The following ADGRL4 variants were observed in gnomAD, a reference collection of about 807,000 sequenced individuals.
ADGRL4 encodes the protein adhesion G protein-coupled receptor L4.
In ADGRL4, 90 loss-of-function variants were observed where a neutral mutation model predicts 74.8. That is an observed-to-expected ratio of 1.20 (90% CI 1.02 to 1.43). ADGRL4 has a LOEUF of 1.43. ADGRL4 is among the 40% of genes most tolerant of loss of function. ADGRL4 has a pLI of 0.00. For synonymous variants in ADGRL4, 311 were observed against 279.2 expected (o/e 1.11, Z -1.14); for missense variants, 881 against 814.3 (o/e 1.08, Z -1.00).
rs530698298 is a variant in ADGRL4 at position 78,946,490 on chromosome 1, A to T, written c.173-64T>A. On this transcript the variant is annotated intron_variant, in intron 2 of 14. Coordinates refer to ENST00000370742, the MANE Select transcript of ADGRL4 (RefSeq NM_022159.4). ...TTGACATAAATTTTGACTATTTTCC[A>T]TCAGTATTTTGGAATATTGACTGTT... 9 of 1,406,846 alleles carry T rather than the reference A, an allele frequency of 6.4e-6. No individual in the cohort carries two copies. In the Admixed American group the frequency reaches 1.3e-4, roughly 20 times the overall value. 87.1% of individuals were successfully genotyped at this position (1,406,846 alleles called of 1,614,324 possible).
chr1:78,935,108 T>C (rs1649326198), intron 7 of ADGRL4, among the ~76,000 whole-genome samples: 1 of 152,210 alleles, frequency 6.6e-6, no homozygotes, highest in African/African-American at 2.4e-5. Context: ...TGGGCACGTA[T>C]GTTTATTGCA....
intron 2 of ADGRL4, among the ~76,000 whole-genome samples, chr1:78,950,697 T>A (rs1649704972): frequency 6.6e-6 from 1 of 152,194 alleles, no homozygotes; most frequent in Admixed American, 6.5e-5. Context: ...TTTGCTTTTC[T>A]GTATTTTAAA....
At chr1:78,902,071 G>A (rs1275022007) in intron 12 of ADGRL4, among the ~76,000 whole-genome samples, 3 of 152,156 alleles carry the variant, frequency 2.0e-5, no homozygotes, top group African/African-American at 7.2e-5. Flanking sequence ...CTCTGGGATA[G>A]TAACAGTATC....
intron 7 of ADGRL4, among the ~76,000 whole-genome samples, chr1:78,928,939 C>A (rs1557501115): frequency 6.6e-6 from 1 of 151,470 alleles, no homozygotes. Flanking sequence ...ATACACTATG[C>A]AATGAACTCC....
chr1:78,921,034 T>A (rs930949171), intron 9 of ADGRL4, among the ~76,000 whole-genome samples: 8 of 147,002 alleles, frequency 5.4e-5, no homozygotes, highest in Non-Finnish European at 1.1e-4. Context: ...TATATTAAAA[T>A]GGAGATGATA....
intron 2 of ADGRL4, among the ~76,000 whole-genome samples, chr1:78,993,311 T>C (rs1650646175): frequency 1.3e-5 from 2 of 152,108 alleles, no homozygotes; most frequent in Admixed American, 6.6e-5. Context: ...TTTTGTAAAA[T>C]GTGAAATTGT....
intron 2 of ADGRL4, among the ~76,000 whole-genome samples, chr1:78,956,128 T>C (rs1649823994): frequency 6.6e-6 from 1 of 152,162 alleles, no homozygotes; most frequent in Non-Finnish European, 1.5e-5. Flanking sequence ...ATGACATTAG[T>C]TATTAGTTAT....
At chr1:78,956,951 G>A (rs899871158) in intron 2 of ADGRL4, among the ~76,000 whole-genome samples, 12 of 152,144 alleles carry the variant, frequency 7.9e-5, no homozygotes, top group African/African-American at 2.4e-4. Flanking sequence ...AAAAGCACGC[G>A]CTCACTTCAA....
intron 2 of ADGRL4, among the ~76,000 whole-genome samples, chr1:78,952,328 C>CT (rs10647389): frequency 0.36 from 43,548 of 119,536 alleles, 7,895 homozygotes; most frequent in Middle Eastern, 0.4. Context: ...ACATAGAAAG[C>CT]TTTTTTTTTT....
intron 2 of ADGRL4, among the ~76,000 whole-genome samples, chr1:78,991,229 C>T (rs550670471): frequency 6.6e-6 from 1 of 152,142 alleles, no homozygotes; most frequent in African/African-American, 2.4e-5. Context: ...CATTTTGGTT[C>T]TGATGTTATA....
At chr1:78,966,914 G>C (rs1463155651) in intron 2 of ADGRL4, among the ~76,000 whole-genome samples, 1 of 123,470 alleles carries the variant, frequency 8.1e-6, no homozygotes, top group Non-Finnish European at 1.8e-5. Flanking sequence ...GGCTAGGAAT[G>C]ATAAAAAAAA....
intron 2 of ADGRL4, among the ~76,000 whole-genome samples, chr1:78,950,651 A>G (rs1649703693): frequency 6.6e-6 from 1 of 152,128 alleles, no homozygotes; most frequent in South Asian, 2.1e-4. Context: ...GTAGGATTAA[A>G]CAGGTGATAG....
At chr1:79,004,295 G>A (rs946640053) in intron 2 of ADGRL4, among the ~76,000 whole-genome samples, 4 of 151,884 alleles carry the variant, frequency 2.6e-5, no homozygotes, top group Non-Finnish European at 5.9e-5. Flanking sequence ...CTTCTACACA[G>A]GACGTTGGTC....
At chr1:78,952,105 C>T (rs572723029) in intron 2 of ADGRL4, among the ~76,000 whole-genome samples, 2 of 151,422 alleles carry the variant, frequency 1.3e-5, no homozygotes, top group East Asian at 1.9e-4. Context: ...AAAAAAGAAT[C>T]GTCTTTTTTT....
intron 2 of ADGRL4, among the ~76,000 whole-genome samples, chr1:78,992,734 T>A (rs1257285236): frequency 6.6e-6 from 1 of 152,148 alleles, no homozygotes; most frequent in Non-Finnish European, 1.5e-5. Flanking sequence ...AAATCACAAT[T>A]TTTATGCCAG....
chr1:78,995,762 C>T (rs1650699664), intron 2 of ADGRL4, among the ~76,000 whole-genome samples: 1 of 152,250 alleles, frequency 6.6e-6, no homozygotes. Context: ...AGATATTAGT[C>T]CAATCTGCTC....
intron 7 of ADGRL4, among the ~76,000 whole-genome samples, chr1:78,932,058 T>A (rs1289667882): frequency 6.6e-6 from 1 of 151,480 alleles, no homozygotes; most frequent in Non-Finnish European, 1.5e-5. Context: ...GGACTAGAAC[T>A]CAGTTCCGGA....
chr1:78,936,461 T>C lies in ADGRL4; in HGVS notation c.761-50A>G, dbSNP rs1649356741. The stretch of plus-strand genomic sequence containing the variant: ...AAAAGTGAAATTACTTTAATCAATA[T>C]ACATCATAAATATATTAGCTTAGAG... On this transcript the variant is annotated intron_variant, in intron 6 of 14. Coordinates refer to ENST00000370742, the MANE Select transcript of ADGRL4 (RefSeq NM_022159.4). 5 of 1,429,378 alleles carry C rather than the reference T, an allele frequency of 3.5e-6. No individual in the cohort carries two copies. In the East Asian group the frequency reaches 7.3e-5, roughly 21 times the overall value. The allele number at this position is 1,429,378 out of a possible 1,614,324, so 88.5% of individuals were successfully genotyped here.
At position 78,921,606 on chromosome 1, in the gene ADGRL4, A is replaced by C. The variant is rs967709270; in HGVS notation, c.1257+7T>G. The C allele has an allele frequency of 7.1e-7, 1 of 1,403,664 alleles. No individual in the cohort carries two copies. Among genetic ancestry groups the C allele is most frequent in the African/African-American group, 1.5e-5 (1 of 67,284 alleles). 87.0% of individuals were successfully genotyped at this position (1,403,664 alleles called of 1,614,324 possible). On this transcript the variant is annotated splice_region_variant and intron_variant, in intron 9 of 14. Transcript: ENST00000370742. ...ATTTATAAATATGAAGGGGAAAATTATCTTACAATGGAAGGACCAGAGGAC... is the reference window on the plus strand; with the variant it reads ...ATTTATAAATATGAAGGGGAAAATTCTCTTACAATGGAAGGACCAGAGGAC...
Sources: allele counts gnomAD v4.1 joint callset (sites outside exome capture counted in the v4.1 genomes callset), GRCh38; gene constraint gnomAD v4.1.1; transcripts MANE v1.5; gene names NCBI Gene and HGNC (gene_info 2026-07-23, HGNC 2026-07-21).